Variants in CLSTN3 observed in about 807,000 individuals in gnomAD.
CLSTN3 encodes the protein calsyntenin-3.
Under a neutral mutation model 95.9 loss-of-function variants are expected in CLSTN3, and 36 were observed. The observed-to-expected ratio is 0.38, with a 90% CI of 0.29 to 0.50. The LOEUF is 0.50. Among genes scored for constraint, CLSTN3 ranks in the 20% least tolerant of loss-of-function variants. CLSTN3 has a pLI of 0.95. For missense variants in CLSTN3, 1,084 were observed against 1,268.8 expected (o/e 0.85, Z 2.21); for synonymous variants, 481 against 504.0 (o/e 0.95, Z 0.61).
Position 7,133,540 on chromosome 12 carries a change from C to A in CLSTN3, c.188-33C>A. On this transcript the variant is annotated intron_variant, in intron 2 of 17. Coordinates refer to ENST00000266546, the MANE Select transcript of CLSTN3 (RefSeq NM_014718.4). The surrounding 1 kb of genome is among the most constrained non-coding windows in gnomAD (Gnocchi z 4.7). The stretch of plus-strand genomic sequence containing the variant: ...ACTGAGGGTGGGGAAGGAGACACAG[C>A]AGCCTCACTCCTCCCCTTCTCCCCT... The A allele has an allele frequency of 6.2e-7, 1 of 1,604,864 alleles. No homozygotes were observed. The highest frequency in any genetic ancestry group is 8.5e-7 in the Non-Finnish European group (1 of 1,173,034).
chr12:7,138,829 CAAAAAAAAAAAAAAAA>C (rs5796259), intron 8 of CLSTN3: 4 of 43,192 alleles, frequency 9.3e-5, no homozygotes, highest in Non-Finnish European at 1.1e-4. Context: ...AAGCAAACGG[CAAAAAAAAAAAAAAAA>C]AAAAAAAAAA....
chr12:7,136,792 T>A, intron 6 of CLSTN3, 37 bp from the exon 7 acceptor site: 1 of 1,605,470 alleles, frequency 6.2e-7, no homozygotes, highest in Non-Finnish European at 8.5e-7. Flanking sequence ...CTGCTGCTTC[T>A]TGGCTCTGAC....
intron 12 of CLSTN3, among the ~76,000 whole-genome samples, chr12:7,145,684 T>C (rs1304085888): frequency 6.6e-6 from 1 of 152,060 alleles, no homozygotes; most frequent in Non-Finnish European, 1.5e-5. Flanking sequence ...TGACTTTCCA[T>C]CTGCTTCCTG....
chr12:7,143,381 G>C, intron 12 of CLSTN3, 70 bp downstream of exon 12: 1 of 1,530,674 alleles, frequency 6.5e-7, no homozygotes, highest in African/African-American at 1.4e-5. Context: ...TTGGCCTAAG[G>C]CGTCACCTAG....
chr12:7,145,623 C>G (rs1179925741), intron 12 of CLSTN3, among the ~76,000 whole-genome samples: 1 of 151,848 alleles, frequency 6.6e-6, no homozygotes, highest in Non-Finnish European at 1.5e-5. Flanking sequence ...GACCCCTGAA[C>G]AGATAGATAC....
Position 7,158,420 on chromosome 12 carries a change from A to AGGGCGG in CLSTN3, c.*339_*340insGGGCGG. 3.5e-5 allele frequency: 2 copies of AGGGCGG among 57,108 alleles called. No individual in the cohort carries two copies. The highest frequency in any genetic ancestry group is 9.6e-5 in the Non-Finnish European group (2 of 20,800). The allele number at this position is 57,108 out of a possible 1,614,324, so 3.5% of individuals were successfully genotyped here. On this transcript the variant is annotated 3_prime_UTR_variant, in exon 18 of 18. Transcript: ENST00000266546. ...TGTTGGGGAGAGGGTGACGATTGCA[A>AGGGCGG]TGGCTGGGGCTGGGGCTGGGGGTGG...
chr12:7,129,199 T>G (rs1445753880), upstream of CLSTN3: 1 of 248,984 alleles, frequency 4.0e-6, no homozygotes, highest in East Asian at 9.2e-5. This position sits in a 1 kb window ranked among gnomAD's most constrained non-coding sequence, Gnocchi z 5.5. Flanking sequence ...TCCCAGGGCC[T>G]GAGGGGCAGT....
Position 7,137,397 on chromosome 12 carries a change from T to C in CLSTN3, c.1210+287T>C. On this transcript the variant is annotated intron_variant, in intron 7 of 17. Coordinates refer to ENST00000266546, the MANE Select transcript of CLSTN3 (RefSeq NM_014718.4). This position sits in a 1 kb window ranked among gnomAD's most constrained non-coding sequence, Gnocchi z 4.4. Reference sequence around the variant, plus strand: ...TGGTAGGCTGTCCCCACCCCCCATCTCCACCTCCATTAAAGCCCCTCCATT... The same window carrying C: ...TGGTAGGCTGTCCCCACCCCCCATCCCCACCTCCATTAAAGCCCCTCCATT... The C allele has an allele frequency of 2.4e-6, 1 of 410,874 alleles. No individual in the cohort carries two copies. Among genetic ancestry groups the C allele is most frequent in the Non-Finnish European group, 4.5e-6 (1 of 222,106 alleles). 25.5% of individuals were successfully genotyped at this position (410,874 alleles called of 1,614,324 possible).
chr12:7,136,047 G>T lies in CLSTN3; in HGVS notation c.742+94G>T. The T allele has an allele frequency of 2.0e-6, 3 of 1,521,448 alleles. No individual in the cohort carries two copies. The South Asian group carries it at 3.8e-5, about 19-fold the overall frequency. 94.2% of individuals were successfully genotyped at this position (1,521,448 alleles called of 1,614,324 possible). ...TGACAATCATGGGGGCCAGGCTAGG[G>T]CTTGGATGATATTGGGGCAGGCTTG... On this transcript the variant is annotated intron_variant, in intron 5 of 17. Coordinates refer to ENST00000266546, the MANE Select transcript of CLSTN3 (RefSeq NM_014718.4).
intron 16 of CLSTN3, among the ~76,000 whole-genome samples, chr12:7,155,505 G>A (rs1258364583): frequency 6.6e-6 from 1 of 152,238 alleles, no homozygotes; most frequent in Middle Eastern, 3.2e-3. Flanking sequence ...CCTCCACTCT[G>A]AGGGTGGGGT....
rs1565653378 is a variant in CLSTN3 at position 7,149,428 on chromosome 12, G to A, written c.2075-95G>A. The A allele has an allele frequency of 5.8e-6, 7 of 1,217,140 alleles. No homozygotes were observed. The highest frequency in any genetic ancestry group is 2.1e-5 in the Admixed American group (1 of 47,016). 75.4% of individuals were successfully genotyped at this position (1,217,140 alleles called of 1,614,324 possible). On this transcript the variant is annotated intron_variant, in intron 13 of 17. Transcript: ENST00000266546. The surrounding 1 kb of genome is among the most constrained non-coding windows in gnomAD (Gnocchi z 4.5). ...GCTGACTTCCCTCTCCCTGGCCCTG[G>A]AAAGGGAGGGAGAGTGGTGATGAGG...
rs80341359 is a variant in CLSTN3, at chr12:7,158,178, G to C, written c.*97G>C. 108,924 of 1,381,070 alleles carry C rather than the reference G, an allele frequency of 0.079. 5,101 individuals carry two copies. Among genetic ancestry groups the C allele is most frequent in the South Asian group, 0.21 (13,298 of 64,408 alleles). The allele number at this position is 1,381,070 out of a possible 1,614,324, so 85.6% of individuals were successfully genotyped here. A position where few individuals can be genotyped will look rare whatever the true frequency, so the allele number is the denominator to read the frequency against. On this transcript the variant is annotated 3_prime_UTR_variant, in exon 18 of 18. Transcript: ENST00000266546. Reference sequence around the variant, plus strand: ...GACTTTCTGGGAACACAGAGACCAAGAGGGAGAGAGGCTTCAGAACCAGTC... The same window carrying C: ...GACTTTCTGGGAACACAGAGACCAACAGGGAGAGAGGCTTCAGAACCAGTC...
chr12:7,148,327 G>A (rs1415988495), intron 12 of CLSTN3, among the ~76,000 whole-genome samples: 1 of 152,212 alleles, frequency 6.6e-6, no homozygotes, highest in Non-Finnish European at 1.5e-5. Context: ...GAGCAGCTGT[G>A]CTGTTGGTTG....
intron 16 of CLSTN3, among the ~76,000 whole-genome samples, chr12:7,152,274 T>G (rs1263889814): frequency 6.6e-6 from 1 of 152,188 alleles, no homozygotes; most frequent in Non-Finnish European, 1.5e-5. Context: ...AAATTGCAAA[T>G]GATGCTGATG....
In CLSTN3 at chr12:7,130,725, G is replaced by A; in HGVS notation, c.64+13G>A. On this transcript the variant is annotated intron_variant, in intron 1 of 17. Coordinates refer to ENST00000266546, the MANE Select transcript of CLSTN3 (RefSeq NM_014718.4). The stretch of plus-strand genomic sequence containing the variant: ...TCCTGTAACAAAGGTGAGTGAGGTG[G>A]GGGTGGGGGTACCGAAAGAGGGGCG... 1.9e-6 allele frequency: 3 copies of A among 1,557,376 alleles called. No individual in the cohort carries two copies. Among genetic ancestry groups the A allele is most frequent in the Non-Finnish European group, 2.6e-6 (3 of 1,149,304 alleles).
chr12:7,132,741 C>T (rs181635005), intron 1 of CLSTN3: 77 of 594,536 alleles, frequency 1.3e-4, no homozygotes, highest in Non-Finnish European at 1.7e-4. Flanking sequence ...GACCATGGTT[C>T]CCATGGAGAT....
chr12:7,140,207 G>A (rs1939503294), intron 8 of CLSTN3, among the ~76,000 whole-genome samples: 2 of 152,168 alleles, frequency 1.3e-5, no homozygotes, highest in African/African-American at 4.8e-5. Context: ...TCCTACGTCA[G>A]CCACTTGAGC....
intron 16 of CLSTN3, among the ~76,000 whole-genome samples, chr12:7,153,548 A>G (rs1939762796): frequency 6.6e-6 from 1 of 152,246 alleles, no homozygotes; most frequent in Admixed American, 6.5e-5. Flanking sequence ...CAAAGATTAG[A>G]GAAGTTTCAC....
chr12:7,154,351 G>T (rs933643972), intron 16 of CLSTN3, among the ~76,000 whole-genome samples: 1 of 152,238 alleles, frequency 6.6e-6, no homozygotes. Context: ...GAGAAAGAGA[G>T]ATGAATGTGA....
Sources: allele counts gnomAD v4.1 joint callset (sites outside exome capture counted in the v4.1 genomes callset), GRCh38; gene constraint gnomAD v4.1.1; non-coding constraint Gnocchi (gnomAD v3.1); transcripts MANE v1.5; gene names NCBI Gene and HGNC (gene_info 2026-07-23, HGNC 2026-07-21).